Variants in TPP2 observed in about 807,000 individuals in gnomAD.
TPP2 encodes tripeptidyl peptidase 2.
In TPP2, 34 loss-of-function variants were observed where a neutral mutation model predicts 155.9. That is an observed-to-expected ratio of 0.22 (90% CI 0.17 to 0.29). The LOEUF (loss-of-function observed/expected upper bound fraction) is 0.29, where lower values mean the gene tolerates loss of function less well. TPP2 is among the 10% of genes least tolerant of loss of function. The pLI, the probability that TPP2 is intolerant of heterozygous loss-of-function variation, is 1.00. For synonymous variants in TPP2, 510 were observed against 529.4 expected (o/e 0.96, Z 0.50); for missense variants, 1,028 against 1,522.3 (o/e 0.68, Z 5.40).
intron 1 of TPP2, among the ~76,000 whole-genome samples, chr13:102,602,524 C>T (rs1879506486): frequency 6.6e-6 from 1 of 152,102 alleles, no homozygotes; most frequent in African/African-American, 2.4e-5. Context: ...TTTATGACCC[C>T]TTCAGCTATC....
chr13:102,611,794 G>C (rs1880348474), intron 2 of TPP2, among the ~76,000 whole-genome samples: 1 of 152,176 alleles, frequency 6.6e-6, no homozygotes, highest in South Asian at 2.1e-4. Flanking sequence ...AATTCACCTG[G>C]AAGTGATTTT....
In TPP2 at chr13:102,666,766, C is replaced by CTTTTTTT; in HGVS notation, c.3371+1860_3371+1866dup. On this transcript the variant is annotated intron_variant, in intron 27 of 29. Coordinates refer to ENST00000376052, the MANE Select transcript of TPP2 (RefSeq NM_001330588.2). ...TGGTCTTTATCACTGTTTTTAATCT[C>CTTTTTTT]TTTTTTTTTTTTTTTTTTTTTTTTT... Among the ~76,000 whole-genome samples, 139 of 55,752 alleles carry CTTTTTTT rather than the reference C, an allele frequency of 2.5e-3. 1 individual carries two copies. Among genetic ancestry groups the CTTTTTTT allele is most frequent in the Middle Eastern group, 0.025 (1 of 40 alleles). The allele number at this position is 55,752 out of a possible 152,430, so 36.6% of individuals were successfully genotyped here. A position where few individuals can be genotyped will look rare whatever the true frequency, so the allele number is the denominator to read the frequency against.
intron 2 of TPP2, among the ~76,000 whole-genome samples, chr13:102,613,211 C>G (rs1489393390): frequency 6.6e-6 from 1 of 152,158 alleles, no homozygotes; most frequent in Non-Finnish European, 1.5e-5. Context: ...GTATTAGCTC[C>G]TTGAAGCTCT....
At chr13:102,600,470 A>G (rs776001993) in intron 1 of TPP2, among the ~76,000 whole-genome samples, 22 of 152,062 alleles carry the variant, frequency 1.4e-4, no homozygotes, top group Non-Finnish European at 3.1e-4. Flanking sequence ...GTAAGGCCCA[A>G]TCCCTCCTAA....
chr13:102,636,152 G>C, intron 12 of TPP2, 72 bp from the exon 13 acceptor site: 1 of 1,425,780 alleles, frequency 7.0e-7, no homozygotes, highest in South Asian at 1.4e-5. Flanking sequence ...AAATCAAATT[G>C]ATTGGTAATT....
At chr13:102,620,584 C>T (rs1881081042) in intron 5 of TPP2, among the ~76,000 whole-genome samples, 1 of 152,104 alleles carries the variant, frequency 6.6e-6, no homozygotes, top group South Asian at 2.1e-4. Flanking sequence ...GGTAAAGTGA[C>T]CTATTCTTTA....
At chr13:102,667,900 T>C (rs781244825) in intron 27 of TPP2, 13 of 879,656 alleles carry the variant, frequency 1.5e-5, no homozygotes, top group Non-Finnish European at 1.8e-5. Context: ...AGTGAAAGAG[T>C]GGGCTAGGGG....
intron 27 of TPP2, among the ~76,000 whole-genome samples, 178 bp downstream of exon 27, chr13:102,665,103 CTT>C (rs1884504612): frequency 6.6e-6 from 1 of 152,144 alleles, no homozygotes. Context: ...TTTGTCCAAT[CTT>C]TTTAAGAGTA....
At chr13:102,652,325 A>C (rs920766288) in intron 24 of TPP2, among the ~76,000 whole-genome samples, 4 of 148,258 alleles carry the variant, frequency 2.7e-5, no homozygotes, top group African/African-American at 9.9e-5. Flanking sequence ...GGCTGCAGTA[A>C]GCTGAGATCA....
intron 1 of TPP2, 57 bp downstream of exon 1, chr13:102,597,260 G>T (rs1394943597): frequency 2.9e-6 from 3 of 1,043,436 alleles, no homozygotes; most frequent in South Asian, 4.2e-5. Context: ...GGACGCGGGT[G>T]GGGACACAGT....
chr13:102,600,694 G>A (rs1452424461), intron 1 of TPP2, among the ~76,000 whole-genome samples: 1 of 152,084 alleles, frequency 6.6e-6, no homozygotes, highest in Non-Finnish European at 1.5e-5. Flanking sequence ...GCATAATGAA[G>A]GAATATAATT....
intron 16 of TPP2, among the ~76,000 whole-genome samples, 187 bp from the exon 17 acceptor site, chr13:102,643,035 A>G (rs916169981): frequency 2.0e-5 from 3 of 152,128 alleles, no homozygotes; most frequent in African/African-American, 4.8e-5. Flanking sequence ...CTAGTCTTCT[A>G]CCTTTATTAA....
At chr13:102,668,182 A>G (rs1884733002) in intron 27 of TPP2, among the ~76,000 whole-genome samples, 1 of 152,170 alleles carries the variant, frequency 6.6e-6, no homozygotes, top group African/African-American at 2.4e-5. Flanking sequence ...AAGTTCCTTT[A>G]CATTCCCTTG....
chr13:102,636,152 G>T, intron 12 of TPP2, 72 bp from the exon 13 acceptor site: 2 of 1,425,780 alleles, frequency 1.4e-6, no homozygotes, highest in Non-Finnish European at 1.9e-6. Context: ...AAATCAAATT[G>T]ATTGGTAATT....
chr13:102,646,400 T>A lies in TPP2; in HGVS notation c.2490+10T>A. 1 of 1,604,526 alleles carries A rather than the reference T, an allele frequency of 6.2e-7. No individual in the cohort carries two copies. The highest frequency in any genetic ancestry group is 8.5e-7 in the Non-Finnish European group (1 of 1,174,942). ...ATATAACTTTCATCAAGTAAGTGTT[T>A]GCCTAGTAAAGTGTACCCTTAGGAT... is the stretch of plus-strand genomic sequence containing the variant. On this transcript the variant is annotated intron_variant, in intron 20 of 29. Coordinates refer to ENST00000376052, the MANE Select transcript of TPP2 (RefSeq NM_001330588.2).
chr13:102,603,546 GC>G (rs1879587712), intron 1 of TPP2, among the ~76,000 whole-genome samples: 1 of 152,160 alleles, frequency 6.6e-6, no homozygotes, highest in Admixed American at 6.5e-5. Context: ...AAGTCATGAG[GC>G]AGGAAAAAGT....
intron 25 of TPP2, among the ~76,000 whole-genome samples, chr13:102,657,615 G>A (rs546417290): frequency 2.6e-5 from 4 of 151,838 alleles, no homozygotes; most frequent in South Asian, 2.1e-4. Flanking sequence ...TTTAACAGCC[G>A]TATAAAATAC....
chr13:102,612,884 G>A (rs1880434817), intron 2 of TPP2, among the ~76,000 whole-genome samples: 1 of 152,006 alleles, frequency 6.6e-6, no homozygotes, highest in Non-Finnish European at 1.5e-5. Context: ...TAATCTTTTG[G>A]CATTTCATGA....
At chr13:102,635,300 T>C (rs191165563) in intron 11 of TPP2, among the ~76,000 whole-genome samples, 1 of 152,326 alleles carries the variant, frequency 6.6e-6, no homozygotes, top group East Asian at 1.9e-4. Context: ...ATTCACATGC[T>C]TTTAGATATC....
Sources: gnomAD v4.1 joint callset for allele counts (sites outside exome capture counted in the v4.1 genomes callset) on GRCh38, gnomAD v4.1.1 for gene constraint, MANE v1.5 for transcripts, NCBI Gene and HGNC (gene_info 2026-07-23, HGNC 2026-07-21) for gene names.